The following KIAA1549L variants were observed in gnomAD, a reference collection of about 807,000 sequenced individuals.
The protein encoded by KIAA1549L is KIAA1549 like.
Under a neutral mutation model 160.7 loss-of-function variants are expected in KIAA1549L, and 88 were observed. The ratio of observed to expected loss-of-function variants is 0.55; its 90% CI spans 0.46 to 0.65. KIAA1549L has a LOEUF of 0.65. Ranked by LOEUF, KIAA1549L falls within the 30% of genes least tolerant of loss-of-function variation. The pLI, the probability that KIAA1549L is intolerant of heterozygous loss-of-function variation, is 0.00. For synonymous variants in KIAA1549L, 950 were observed against 976.7 expected (o/e 0.97, Z 0.51); for missense variants, 2,258 against 2,437.5 (o/e 0.93, Z 1.55).
chr11:33,414,558 G>T lies in KIAA1549L; in HGVS notation c.238+37669G>T, dbSNP rs149181253. Among the ~76,000 whole-genome samples the T allele has an allele frequency of 5.7e-3, 862 of 152,258 alleles. 5 individuals carry two copies. Among genetic ancestry groups the T allele is most frequent in the Non-Finnish European group, 8.2e-3 (560 of 68,016 alleles). ...GATCAAACGGAGTGCACATTTTTAAGGCGATTGGCACACTTTATCAAATTA... is the reference window on the plus strand; with the variant it reads ...GATCAAACGGAGTGCACATTTTTAATGCGATTGGCACACTTTATCAAATTA... On this transcript the variant is annotated intron_variant, in intron 1 of 20. Coordinates refer to ENST00000658780, the MANE Select transcript of KIAA1549L (RefSeq NM_012194.3).
chr11:33,577,904 CT>C (rs1855507280), intron 10 of KIAA1549L, among the ~76,000 whole-genome samples: 1 of 152,214 alleles, frequency 6.6e-6, no homozygotes, highest in South Asian at 2.1e-4. Flanking sequence ...CTCAGTGTCT[CT>C]TCCTCTCTAA....
chr11:33,573,160 C>T (rs928874245), intron 9 of KIAA1549L, among the ~76,000 whole-genome samples: 5 of 152,090 alleles, frequency 3.3e-5, no homozygotes, highest in Non-Finnish European at 1.5e-5. Context: ...ATAGCATATA[C>T]ACAAAACAGT....
At chr11:33,460,203 C>T (rs1360201212) in intron 1 of KIAA1549L, among the ~76,000 whole-genome samples, 3 of 152,098 alleles carry the variant, frequency 2.0e-5, no homozygotes. Context: ...TGCTCGCTGG[C>T]CTCTGGGAGA....
intron 9 of KIAA1549L, among the ~76,000 whole-genome samples, chr11:33,569,668 T>C (rs1466001673): frequency 6.6e-6 from 1 of 152,142 alleles, no homozygotes; most frequent in Non-Finnish European, 1.5e-5. Flanking sequence ...CCATTCGCAG[T>C]TGGTGAATTT....
intron 1 of KIAA1549L, among the ~76,000 whole-genome samples, chr11:33,429,110 TAC>T (rs1220661622): frequency 6.6e-6 from 1 of 152,194 alleles, no homozygotes; most frequent in African/African-American, 2.4e-5. Flanking sequence ...TACCTGGGAT[TAC>T]AGGCACCCAC....
intron 1 of KIAA1549L, among the ~76,000 whole-genome samples, chr11:33,417,361 A>G (rs1850909058): frequency 1.3e-5 from 2 of 152,020 alleles, no homozygotes; most frequent in Non-Finnish European, 1.5e-5. Flanking sequence ...ACCAAATAGT[A>G]CTTAGCCTCA....
At chr11:33,476,546 C>G (rs969249672) in intron 1 of KIAA1549L, among the ~76,000 whole-genome samples, 4 of 152,234 alleles carry the variant, frequency 2.6e-5, no homozygotes, top group Non-Finnish European at 5.9e-5. Flanking sequence ...TACTTAAAGT[C>G]TGAACTCCAT....
intron 7 of KIAA1549L, 102 bp from the exon 8 acceptor site, chr11:33,561,574 C>A: frequency 1.1e-6 from 1 of 940,492 alleles, no homozygotes; most frequent in Non-Finnish European, 1.7e-6. Flanking sequence ...CAAGAACAGC[C>A]TGGGCAACAT....
chr11:33,404,157 C>T (rs754056320), intron 1 of KIAA1549L, among the ~76,000 whole-genome samples: 3 of 152,136 alleles, frequency 2.0e-5, no homozygotes, highest in Non-Finnish European at 4.4e-5. Context: ...CTTTAAATCT[C>T]CTGTACCCAT....
chr11:33,543,956 A>T lies in KIAA1549L; in HGVS notation c.2393A>T (p.His798Leu). 6.2e-7 allele frequency: 1 copy of T among 1,614,044 alleles called. No individual in the cohort carries two copies. Among genetic ancestry groups the T allele is most frequent in the Non-Finnish European group, 8.5e-7 (1 of 1,179,894 alleles). ...TCAGACATGACCATGGTTGGAAGCCATATAGACCTCTGGCCCACAAGCAAT... is the reference window on the plus strand; with the variant it reads ...TCAGACATGACCATGGTTGGAAGCCTTATAGACCTCTGGCCCACAAGCAAT... ...QQSDMTMVGS[H>L]IDLWPTSNNN... Residue 798 changes from histidine to leucine, a missense_variant, in exon 2 of 21, where the codon CAT becomes CTT. Transcript: ENST00000658780.
chr11:33,519,835 G>A (rs1590305797), intron 1 of KIAA1549L, among the ~76,000 whole-genome samples: 1 of 151,984 alleles, frequency 6.6e-6, no homozygotes, highest in Admixed American at 6.6e-5. Flanking sequence ...CTGCCACTCT[G>A]GTGCCCTCCT....
chr11:33,441,490 C>T (rs1009660812), intron 1 of KIAA1549L, among the ~76,000 whole-genome samples: 34 of 97,756 alleles, frequency 3.5e-4, no homozygotes, highest in Admixed American at 1.5e-3. Flanking sequence ...CCTGAGGAAT[C>T]GCCACACGAC....
intron 1 of KIAA1549L, among the ~76,000 whole-genome samples, chr11:33,466,731 A>G (rs1269996521): frequency 6.6e-6 from 1 of 152,210 alleles, no homozygotes; most frequent in Non-Finnish European, 1.5e-5. Flanking sequence ...ATGTCCATCA[A>G]TAATAGACTG....
chr11:33,406,925 A>AT (rs2134078502), intron 1 of KIAA1549L, among the ~76,000 whole-genome samples: 1 of 152,128 alleles, frequency 6.6e-6, no homozygotes, highest in East Asian at 1.9e-4. Flanking sequence ...TGGAGGTGTA[A>AT]TGTTCACGAT....
chr11:33,643,999 CA>C (rs1851654968), intron 16 of KIAA1549L, among the ~76,000 whole-genome samples: 1 of 152,174 alleles, frequency 6.6e-6, no homozygotes, highest in Admixed American at 6.5e-5. Context: ...TCCCCCAGCC[CA>C]GGAGTTTGGG....
At chr11:33,429,923 C>T (rs1035149783) in intron 1 of KIAA1549L, among the ~76,000 whole-genome samples, 10 of 152,106 alleles carry the variant, frequency 6.6e-5, no homozygotes, top group African/African-American at 2.4e-4. Flanking sequence ...TCTTCTCCTA[C>T]CCCTCACCAT....
At chr11:33,435,940 C>T (rs534782186) in intron 1 of KIAA1549L, among the ~76,000 whole-genome samples, 1 of 130,734 alleles carries the variant, frequency 7.6e-6, no homozygotes, top group South Asian at 2.5e-4. Flanking sequence ...TGGATTCAAC[C>T]AACTTCAGAG....
intron 11 of KIAA1549L, among the ~76,000 whole-genome samples, chr11:33,586,516 T>C (rs1399713368): frequency 1.3e-5 from 2 of 152,198 alleles, no homozygotes; most frequent in Non-Finnish European, 2.9e-5. Flanking sequence ...TCATTGGATG[T>C]ACAGCCATTT....
chr11:33,559,710 T>C (rs1179477359), intron 6 of KIAA1549L, 39 bp from the exon 7 acceptor site: 2 of 1,589,706 alleles, frequency 1.3e-6, no homozygotes, highest in Admixed American at 3.3e-5. Flanking sequence ...TGGTCTTATT[T>C]GGCCTGTCTC....
Sources: gnomAD v4.1 joint callset for allele counts (sites outside exome capture counted in the v4.1 genomes callset) on GRCh38, gnomAD v4.1.1 for gene constraint, MANE v1.5 for transcripts, NCBI Gene and HGNC (gene_info 2026-07-23, HGNC 2026-07-21) for gene names.